Variants in TNR observed in about 807,000 individuals in gnomAD.
The protein encoded by TNR is tenascin R.
Under a neutral mutation model 150.4 loss-of-function variants are expected in TNR, and 45 were observed. The observed-to-expected ratio is 0.30, with a 90% CI of 0.24 to 0.38. The LOEUF (loss-of-function observed/expected upper bound fraction) is 0.38. Among genes scored for constraint, TNR ranks in the 10% least tolerant of loss-of-function variants. TNR has a pLI of 1.00. For missense variants in TNR, 1,544 were observed against 1,759.1 expected, an observed-to-expected ratio of 0.88 and a Z score of 2.19; for synonymous variants, 687 against 678.4, an observed-to-expected ratio of 1.01 and a Z score of -0.20.
At chr1:175,340,430 G>A (rs538379483) in intron 18 of TNR, among the ~76,000 whole-genome samples, 3 of 152,270 alleles carry the variant, frequency 2.0e-5, no homozygotes, top group South Asian at 2.1e-4. Flanking sequence ...TCACATCTTC[G>A]GAACTTGGAG....
chr1:175,550,056 G>A (rs569994281), intron 1 of TNR, among the ~76,000 whole-genome samples: 1 of 152,312 alleles, frequency 6.6e-6, no homozygotes, highest in East Asian at 1.9e-4. Context: ...ATAAAGGGAG[G>A]CTATTACAAC....
rs1453646494 is a variant in TNR at position 175,365,294 on chromosome 1, AGATG to A, written c.2318-19_2318-16del. The A allele has an allele frequency of 1.2e-5, 19 of 1,586,610 alleles. No individual in the cohort carries two copies. The African/African-American group carries it at 2.0e-4, about 17-fold the overall frequency. ...GGGACGGAAGCCTGCAAAGCAAAGG[AGATG>A]GATGGTCCTGAAACACGTGAGGAGA... On this transcript the variant is annotated splice_polypyrimidine_tract_variant and intron_variant, in intron 11 of 22. Coordinates refer to ENST00000367674, the MANE Select transcript of TNR (RefSeq NM_003285.3).
At chr1:175,377,317 T>C (rs985687411) in intron 9 of TNR, among the ~76,000 whole-genome samples, 6 of 152,158 alleles carry the variant, frequency 3.9e-5, no homozygotes, top group African/African-American at 1.4e-4. Context: ...GGGTTTTCTA[T>C]CTCTCTCATG....
chr1:175,521,491 C>A (rs144940479), intron 2 of TNR, among the ~76,000 whole-genome samples: 27 of 152,274 alleles, frequency 1.8e-4, no homozygotes, highest in African/African-American at 6.3e-4. Flanking sequence ...TCACTGGGAC[C>A]GCAGAAATAT....
intron 1 of TNR, among the ~76,000 whole-genome samples, chr1:175,665,974 A>C (rs1665521538): frequency 6.6e-6 from 1 of 152,224 alleles, no homozygotes; most frequent in Non-Finnish European, 1.5e-5. Context: ...AATGACAAAG[A>C]TCATTCCATC....
chr1:175,644,530 A>C (rs988284153), intron 1 of TNR, among the ~76,000 whole-genome samples: 2 of 152,202 alleles, frequency 1.3e-5, no homozygotes, highest in African/African-American at 4.8e-5. Context: ...CATTGTCACC[A>C]TTCCTCAGCA....
intron 1 of TNR, among the ~76,000 whole-genome samples, chr1:175,612,984 G>A (rs1223256366): frequency 6.6e-6 from 1 of 152,160 alleles, no homozygotes; most frequent in Non-Finnish European, 1.5e-5. Context: ...TTTCAACACA[G>A]CACCTGGTAC....
chr1:175,529,536 T>C (rs981232073), intron 1 of TNR, among the ~76,000 whole-genome samples: 6 of 152,208 alleles, frequency 3.9e-5, no homozygotes, highest in African/African-American at 1.4e-4. Context: ...ATCAATGGGT[T>C]TGCCAGGGCC....
chr1:175,359,870 C>T, intron 14 of TNR, 139 bp from the exon 15 acceptor site: 5 of 1,109,472 alleles, frequency 4.5e-6, no homozygotes, highest in Non-Finnish European at 1.2e-6. Context: ...AAACCTCTTC[C>T]CTTTCTCCTC....
At chr1:175,523,339 G>A (rs1354844415) in intron 2 of TNR, among the ~76,000 whole-genome samples, 2 of 152,182 alleles carry the variant, frequency 1.3e-5, no homozygotes, top group Non-Finnish European at 2.9e-5. Flanking sequence ...CAAATGATGA[G>A]CACTTATACA....
intron 1 of TNR, among the ~76,000 whole-genome samples, chr1:175,724,605 G>T (rs1667428465): frequency 6.6e-6 from 1 of 152,154 alleles, no homozygotes; most frequent in African/African-American, 2.4e-5. Context: ...TCCTTGACCT[G>T]AAGGGTGGTT....
chr1:175,569,337 C>G (rs1242497994), intron 1 of TNR, among the ~76,000 whole-genome samples: 2 of 152,158 alleles, frequency 1.3e-5, no homozygotes, highest in Admixed American at 6.5e-5. Context: ...GAGGGCTGTC[C>G]CATGCATGAA....
At chr1:175,714,238 C>T (rs1027489608) in intron 1 of TNR, among the ~76,000 whole-genome samples, 6 of 152,076 alleles carry the variant, frequency 3.9e-5, no homozygotes, top group African/African-American at 1.4e-4. Flanking sequence ...TCTTCCACAC[C>T]CATGCTTTCT....
chr1:175,544,696 G>A (rs1660619292), intron 1 of TNR, among the ~76,000 whole-genome samples: 1 of 152,190 alleles, frequency 6.6e-6, no homozygotes, highest in South Asian at 2.1e-4. Flanking sequence ...CTGATATTTA[G>A]GAAGTGGGTT....
rs187887272 is a variant in TNR at position 175,730,680 on chromosome 1, T to C, written c.-165+12546A>G. On this transcript the variant is annotated intron_variant, in intron 1 of 22. Coordinates refer to ENST00000367674, the MANE Select transcript of TNR (RefSeq NM_003285.3). ...TTATTCTCACCAGGTTTATATTCTA[T>C]TGGGAGGGAACGGACAATAAGGAAG... Among the ~76,000 whole-genome samples the C allele has an allele frequency of 7.2e-5, 11 of 152,338 alleles. No homozygotes were observed. The East Asian group carries it at 1.2e-3, about 16-fold the overall frequency.
At chr1:175,738,846 T>G (rs879683215) in intron 1 of TNR, among the ~76,000 whole-genome samples, 8 of 152,240 alleles carry the variant, frequency 5.3e-5, no homozygotes, top group Non-Finnish European at 1.2e-4. Flanking sequence ...CCCACTGGAC[T>G]GTCTCTTAAG....
intron 9 of TNR, among the ~76,000 whole-genome samples, 171 bp downstream of exon 9, chr1:175,379,381 A>G (rs895342420): frequency 6.6e-6 from 1 of 152,214 alleles, no homozygotes; most frequent in African/African-American, 2.4e-5. Context: ...TTAGTAGCTT[A>G]GAACAGGTGA....
chr1:175,485,295 G>T (rs1282430966), intron 2 of TNR, among the ~76,000 whole-genome samples: 1 of 152,214 alleles, frequency 6.6e-6, no homozygotes. Context: ...AGCACTGGAA[G>T]TTTCCCCCAA....
intron 1 of TNR, among the ~76,000 whole-genome samples, chr1:175,723,542 T>C (rs1667397358): frequency 6.6e-6 from 1 of 152,230 alleles, no homozygotes; most frequent in Non-Finnish European, 1.5e-5. Context: ...GTCTTATATA[T>C]ATGGTTAGAA....
Sources: gnomAD v4.1 joint callset for allele counts (sites outside exome capture counted in the v4.1 genomes callset) on GRCh38, gnomAD v4.1.1 for gene constraint, MANE v1.5 for transcripts, NCBI Gene and HGNC (gene_info 2026-07-23, HGNC 2026-07-21) for gene names.